NAV3: variants seen among roughly 807,000 people sequenced by gnomAD.
NAV3 encodes the protein pore membrane and/or filament interacting like protein 1.
Under a neutral mutation model 244.7 loss-of-function variants are expected in NAV3, and 87 were observed. The ratio of observed to expected loss-of-function variants is 0.36; its 90% CI spans 0.30 to 0.42. The LOEUF (loss-of-function observed/expected upper bound fraction) is 0.42, where lower values mean the gene tolerates loss of function less well. Ranked by LOEUF, NAV3 falls within the 20% of genes least tolerant of loss-of-function variation. NAV3 has a pLI of 1.00. For missense variants in NAV3, 2,663 were observed against 2,893.3 expected (o/e 0.92, Z 1.83); for synonymous variants, 1,126 against 1,042.2 (o/e 1.08, Z -1.55).
chr12:77,833,481 T>C (rs1874073651), intron 1 of NAV3, among the ~76,000 whole-genome samples: 1 of 152,230 alleles, frequency 6.6e-6, no homozygotes, highest in East Asian at 1.9e-4. Flanking sequence ...GCCCCGCTGC[T>C]GAAACCTCTA....
intron 22 of NAV3, among the ~76,000 whole-genome samples, chr12:78,150,008 G>A (rs891003532): frequency 2.7e-4 from 41 of 152,090 alleles, no homozygotes; most frequent in African/African-American, 9.4e-4. Flanking sequence ...AATAGATGGT[G>A]TTAGGAGATT....
chr12:78,037,529 T>C, intron 9 of NAV3: 1 of 586,426 alleles, frequency 1.7e-6, no homozygotes, highest in African/African-American at 2.0e-5. Flanking sequence ...AAATTCCTGT[T>C]TCTTGAAGTG....
intron 2 of NAV3, among the ~76,000 whole-genome samples, chr12:77,621,709 A>G (rs1289650030): frequency 2.0e-5 from 3 of 151,682 alleles, no homozygotes; most frequent in Non-Finnish European, 2.9e-5. Context: ...TGATCTCTTG[A>G]CCTTGCGATC....
At chr12:77,713,398 T>C (rs1876214688) in intron 2 of NAV3, among the ~76,000 whole-genome samples, 1 of 152,196 alleles carries the variant, frequency 6.6e-6, no homozygotes, top group Admixed American at 6.5e-5. Flanking sequence ...AATTTGGTTT[T>C]ATACTGTGTA....
At chr12:78,200,882 C>G (rs1959598781) in intron 38 of NAV3, among the ~76,000 whole-genome samples, 1 of 151,880 alleles carries the variant, frequency 6.6e-6, no homozygotes, top group South Asian at 2.1e-4. Context: ...TAGTTAATTG[C>G]ACAGTTCTAC....
chr12:77,874,970 A>G (rs186367215), intron 1 of NAV3, among the ~76,000 whole-genome samples: 1 of 152,168 alleles, frequency 6.6e-6, no homozygotes. Context: ...ACTAATCTAT[A>G]TTTCATTGTA....
At chr12:77,806,485 T>A (rs1377496247) in intron 2 of NAV3, among the ~76,000 whole-genome samples, 1 of 152,216 alleles carries the variant, frequency 6.6e-6, no homozygotes, top group Non-Finnish European at 1.5e-5. Context: ...TTTGAGTGAG[T>A]TTCTTAATCC....
intron 12 of NAV3, among the ~76,000 whole-genome samples, chr12:78,065,251 A>T (rs1285953338): frequency 6.6e-6 from 1 of 152,064 alleles, no homozygotes; most frequent in African/African-American, 2.4e-5. Flanking sequence ...CTCTTTTTGG[A>T]GATTTTAATG....
chr12:77,969,207 T>A (rs1405979415), intron 5 of NAV3, among the ~76,000 whole-genome samples: 1 of 151,830 alleles, frequency 6.6e-6, no homozygotes, highest in Admixed American at 6.6e-5. Flanking sequence ...TGCACATACA[T>A]GTATTATTTG....
At chr12:77,951,399 T>C (rs1890862655) in intron 3 of NAV3, among the ~76,000 whole-genome samples, 1 of 152,010 alleles carries the variant, frequency 6.6e-6, no homozygotes, top group South Asian at 2.1e-4. Flanking sequence ...AGAATGGCGA[T>C]CATTAAAAAG....
At chr12:77,855,361 G>A (rs572919984) in intron 1 of NAV3, among the ~76,000 whole-genome samples, 15 of 151,894 alleles carry the variant, frequency 9.9e-5, no homozygotes, top group Admixed American at 2.6e-4. Flanking sequence ...TATTTTTTTG[G>A]CTTCCCACTT....
At chr12:77,610,976 A>G (rs1718224914) in intron 2 of NAV3, among the ~76,000 whole-genome samples, 2 of 151,322 alleles carry the variant, frequency 1.3e-5, no homozygotes, top group African/African-American at 4.9e-5. Context: ...TCTTCAGATA[A>G]TATTGAAAAC....
At chr12:77,997,532 T>C (rs1872567303) in intron 6 of NAV3, among the ~76,000 whole-genome samples, 1 of 152,198 alleles carries the variant, frequency 6.6e-6, no homozygotes, top group Non-Finnish European at 1.5e-5. Flanking sequence ...TCATATTTCC[T>C]CATATCCTGT....
At chr12:77,863,496 A>C (rs1334356211) in intron 1 of NAV3, among the ~76,000 whole-genome samples, 1 of 151,900 alleles carries the variant, frequency 6.6e-6, no homozygotes, top group Non-Finnish European at 1.5e-5. Flanking sequence ...ATAAATAAAA[A>C]AACAAATAAA....
chr12:77,848,368 A>G (rs1165064379), intron 1 of NAV3, among the ~76,000 whole-genome samples: 1 of 152,226 alleles, frequency 6.6e-6, no homozygotes, highest in Non-Finnish European at 1.5e-5. Context: ...AGAAACAGCC[A>G]TGTTAAAATA....
chr12:77,949,765 T>C (rs1362964542), intron 3 of NAV3, among the ~76,000 whole-genome samples: 1 of 152,076 alleles, frequency 6.6e-6, no homozygotes, highest in East Asian at 1.9e-4. Context: ...TAGACAAATA[T>C]ATAATGACCT....
In NAV3 at chr12:77,865,750, A is replaced by G. The variant is rs546716867; in HGVS notation, c.243+34046A>G. 2.0e-3 allele frequency among the ~76,000 whole-genome samples: 306 copies of G among 151,534 alleles called. 1 individual carries two copies. The highest frequency in any genetic ancestry group is 3.5e-3 in the Non-Finnish European group (235 of 67,840). The stretch of plus-strand genomic sequence containing the variant: ...TCTCTCTCTCTCTCTACATATATAT[A>G]TGCATATACACATATACTACATATA... On this transcript the variant is annotated intron_variant, in intron 1 of 39. Coordinates refer to ENST00000397909, the MANE Select transcript of NAV3 (RefSeq NM_001024383.2).
At chr12:77,961,337 A>AT (rs1299050838) in intron 3 of NAV3, among the ~76,000 whole-genome samples, 48 of 141,682 alleles carry the variant, frequency 3.4e-4, no homozygotes, top group African/African-American at 1.2e-3. Flanking sequence ...GTAATATAAT[A>AT]AATATTACAC....
At position 77,593,088 on chromosome 12, in the gene NAV3, G is replaced by A. The variant is rs558953864; in HGVS notation, c.72+20822G>A. On this transcript the variant is annotated intron_variant, in intron 2 of 8. Transcript: ENST00000550042. ...ACCCTGCTTTTTTCCAGCCTGTAACGAGCATACAAGCCAGCTTTCAGGGAA... is the reference window on the plus strand; with the variant it reads ...ACCCTGCTTTTTTCCAGCCTGTAACAAGCATACAAGCCAGCTTTCAGGGAA... Among the ~76,000 whole-genome samples the A allele has an allele frequency of 7.2e-5, 11 of 152,206 alleles. No individual in the cohort carries two copies. The South Asian group carries it at 1.9e-3, about 26-fold the overall frequency.
Sources: allele counts gnomAD v4.1 joint callset (sites outside exome capture counted in the v4.1 genomes callset), GRCh38; gene constraint gnomAD v4.1.1; transcripts MANE v1.5; gene names NCBI Gene and HGNC (gene_info 2026-07-23, HGNC 2026-07-21).